RIMS2: variants seen among roughly 807,000 people sequenced by gnomAD.
The protein encoded by RIMS2 is regulating synaptic membrane exocytosis 2.
A neutral mutation model predicts 174.4 loss-of-function variants in RIMS2; 59 were observed. The ratio of observed to expected loss-of-function variants is 0.34; its 90% confidence interval spans 0.27 to 0.42. The LOEUF is 0.42. Ranked by LOEUF, RIMS2 falls within the 10% of genes least tolerant of loss-of-function variation. The probability of loss-of-function intolerance (pLI) is 1.00; values close to 1 mark genes in which losing one functional copy is unlikely to be tolerated. For synonymous variants in RIMS2, 606 were observed against 572.5 expected (o/e 1.06, Z -0.84); for missense variants, 1,620 against 1,666.3 (o/e 0.97, Z 0.48).
At chr8:103,635,568 G>A (rs1165621731) in intron 1 of RIMS2, among the ~76,000 whole-genome samples, 4 of 152,248 alleles carry the variant, frequency 2.6e-5, no homozygotes, top group Non-Finnish European at 5.9e-5. Flanking sequence ...AAACAGCGAA[G>A]GTAACAGCCT....
At chr8:103,776,684 G>C (rs1376397998) in intron 3 of RIMS2, among the ~76,000 whole-genome samples, 1 of 151,958 alleles carries the variant, frequency 6.6e-6, no homozygotes, top group South Asian at 2.1e-4. Flanking sequence ...CTGTCCACTA[G>C]GGGGCTAGTA....
chr8:103,532,500 A>T (rs893423231), intron 1 of RIMS2, among the ~76,000 whole-genome samples: 2 of 152,252 alleles, frequency 1.3e-5, no homozygotes, highest in African/African-American at 4.8e-5. Flanking sequence ...TAGACCTGTG[A>T]ATTAAGAATG....
At chr8:103,753,528 A>G (rs1035809517) in intron 2 of RIMS2, among the ~76,000 whole-genome samples, 12 of 152,216 alleles carry the variant, frequency 7.9e-5, no homozygotes, top group East Asian at 3.9e-4. Flanking sequence ...GTTCCTCCTT[A>G]TACCTCTGGT....
intron 19 of RIMS2, among the ~76,000 whole-genome samples, chr8:104,235,385 T>C (rs1490122718): frequency 6.6e-6 from 1 of 152,124 alleles, no homozygotes; most frequent in Non-Finnish European, 1.5e-5. Flanking sequence ...TTTCCTCATA[T>C]GGAAAATGAT....
At chr8:104,179,867 C>T (rs2098929831) in intron 19 of RIMS2, among the ~76,000 whole-genome samples, 2 of 151,824 alleles carry the variant, frequency 1.3e-5, no homozygotes, top group African/African-American at 4.8e-5. Flanking sequence ...CCTACCTCCT[C>T]TGCTTTTATC....
At chr8:103,755,145 A>G (rs1229973183) in intron 2 of RIMS2, among the ~76,000 whole-genome samples, 2 of 152,128 alleles carry the variant, frequency 1.3e-5, no homozygotes, top group Admixed American at 1.3e-4. Context: ...ATCTCTCAGC[A>G]TTTCCTTGTG....
At chr8:103,519,589 T>C (rs1203288138) in intron 1 of RIMS2, among the ~76,000 whole-genome samples, 1 of 152,144 alleles carries the variant, frequency 6.6e-6, no homozygotes, top group Admixed American at 6.6e-5. Flanking sequence ...CAGTTTGAAG[T>C]TCATTCTATA....
chr8:103,745,654 A>G (rs1030493683), intron 2 of RIMS2, among the ~76,000 whole-genome samples: 9 of 152,190 alleles, frequency 5.9e-5, no homozygotes, highest in Admixed American at 3.9e-4. Flanking sequence ...AAAAAATGAC[A>G]TATATTTCAG....
chr8:103,706,132 G>A (rs1392074523), intron 2 of RIMS2, among the ~76,000 whole-genome samples: 1 of 151,930 alleles, frequency 6.6e-6, no homozygotes, highest in Non-Finnish European at 1.5e-5. Context: ...GTTATAGAAA[G>A]TTATTTTAAA....
chr8:104,153,273 A>C (rs986338573), intron 19 of RIMS2, among the ~76,000 whole-genome samples: 12 of 152,266 alleles, frequency 7.9e-5, no homozygotes, highest in South Asian at 6.2e-4. Context: ...AGAGGGAATA[A>C]GGAGACTTGA....
chr8:103,759,114 T>C (rs992833263), intron 2 of RIMS2, among the ~76,000 whole-genome samples: 1 of 152,178 alleles, frequency 6.6e-6, no homozygotes, highest in East Asian at 1.9e-4. Flanking sequence ...TTCCAGGCTT[T>C]GACTCAGGAC....
chr8:103,966,815 A>T (rs1292896032), intron 15 of RIMS2, among the ~76,000 whole-genome samples: 2 of 151,622 alleles, frequency 1.3e-5, no homozygotes, highest in Non-Finnish European at 2.9e-5. Context: ...TGTTGTTTTC[A>T]TTTTTATTTA....
chr8:103,798,612 C>T (rs1425115974), intron 3 of RIMS2, among the ~76,000 whole-genome samples: 2 of 152,118 alleles, frequency 1.3e-5, no homozygotes, highest in Non-Finnish European at 2.9e-5. Context: ...CAGAATGTTG[C>T]TTTTTGTATG....
At chr8:104,081,374 TATG>T (rs2097417951) in intron 19 of RIMS2, among the ~76,000 whole-genome samples, 2 of 152,160 alleles carry the variant, frequency 1.3e-5, no homozygotes, top group Middle Eastern at 3.4e-3. Flanking sequence ...AGTTAGTTAA[TATG>T]ATATTATTGT....
intron 1 of RIMS2, among the ~76,000 whole-genome samples, chr8:103,534,172 A>G (rs1586977268): frequency 6.6e-6 from 1 of 152,340 alleles, no homozygotes; most frequent in East Asian, 1.9e-4. Context: ...TATGGAATTT[A>G]TAAGTTCTAC....
At chr8:104,202,703 A>G (rs2099061082) in intron 19 of RIMS2, among the ~76,000 whole-genome samples, 2 of 152,178 alleles carry the variant, frequency 1.3e-5, no homozygotes, top group African/African-American at 2.4e-5. Flanking sequence ...CACCAGTCAT[A>G]TTGGGCTAGG....
Position 104,107,779 on chromosome 8 carries a change from C to A in RIMS2, c.3334+93164C>A, listed in dbSNP as rs534475358. On this transcript the variant is annotated intron_variant, in intron 19 of 23. Coordinates refer to ENST00000504942, the Ensembl canonical transcript of RIMS2. ...CCTGGGCAACACAGCAAGACTCCAT[C>A]TCTACAAAAACTTTAAAAAAATTAC... 3.3e-5 allele frequency among the ~76,000 whole-genome samples: 5 copies of A among 152,294 alleles called. No homozygotes were observed. In the East Asian group the frequency reaches 9.7e-4, roughly 29 times the overall value.
chr8:104,150,918 T>C lies in RIMS2; in HGVS notation c.3335-93998T>C, dbSNP rs187750903. On this transcript the variant is annotated intron_variant, in intron 19 of 23. Coordinates refer to ENST00000504942, the Ensembl canonical transcript of RIMS2. ...AGTACCTATCATTTGCCAGGGACTA[T>C]CCTAAAGAAAACAGAAGACAGAAAT... 3.3e-3 allele frequency among the ~76,000 whole-genome samples: 499 copies of C among 152,288 alleles called. 4 individuals carry two copies. Among genetic ancestry groups the C allele is most frequent in the African/African-American group, 0.011 (458 of 41,560 alleles).
intron 19 of RIMS2, among the ~76,000 whole-genome samples, chr8:104,168,158 TG>T (rs1566800871): frequency 6.6e-6 from 1 of 152,164 alleles, no homozygotes; most frequent in Non-Finnish European, 1.5e-5. Context: ...GTCTCTTTTT[TG>T]GTTCCATATA....
Sources: gnomAD v4.1 joint callset for allele counts (sites outside exome capture counted in the v4.1 genomes callset) on GRCh38, gnomAD v4.1.1 for gene constraint, MANE v1.5 for transcripts, NCBI Gene and HGNC (gene_info 2026-07-23, HGNC 2026-07-21) for gene names.